ANKS1B: variants seen among roughly 807,000 people sequenced by gnomAD.
ANKS1B encodes the protein ankyrin repeat and sterile alpha motif domain-containing protein 1B.
In ANKS1B, 36 loss-of-function variants were observed where a neutral mutation model predicts 148.3. That is an observed-to-expected ratio of 0.24 (90% CI 0.19 to 0.32). ANKS1B has a LOEUF of 0.32. ANKS1B is among the 10% of genes least tolerant of loss of function. ANKS1B has a pLI of 1.00. For synonymous variants in ANKS1B, 542 were observed against 560.8 expected (o/e 0.97, Z 0.47); for missense variants, 1,157 against 1,542.6 (o/e 0.75, Z 4.19).
intron 16 of ANKS1B, among the ~76,000 whole-genome samples, chr12:99,058,601 T>C (rs2041135277): frequency 6.6e-6 from 1 of 152,148 alleles, no homozygotes; most frequent in Admixed American, 6.6e-5. Flanking sequence ...ATTGTATGAG[T>C]TTGATTTTTG....
chr12:99,178,133 G>A (rs1270457252), intron 14 of ANKS1B, among the ~76,000 whole-genome samples: 2 of 152,100 alleles, frequency 1.3e-5, no homozygotes, highest in Admixed American at 1.3e-4. Context: ...CATATCCAGG[G>A]TCATTCCAAC....
At chr12:99,633,335 A>G (rs2153404578) in intron 9 of ANKS1B, among the ~76,000 whole-genome samples, 1 of 152,290 alleles carries the variant, frequency 6.6e-6, no homozygotes, top group East Asian at 1.9e-4. Flanking sequence ...AATACCACAC[A>G]TCTACAACTA....
At chr12:99,774,817 T>C (rs538878821) in intron 7 of ANKS1B, among the ~76,000 whole-genome samples, 1 of 123,204 alleles carries the variant, frequency 8.1e-6, no homozygotes, top group African/African-American at 3.1e-5. Context: ...GGACTATTAT[T>C]CAGCCTTAAA....
Position 99,309,153 on chromosome 12 carries a change from A to G in ANKS1B, c.1757-62289T>C, listed in dbSNP as rs576986185. On this transcript the variant is annotated intron_variant, in intron 12 of 26. Transcript: ENST00000683438. ...TCAGTTTATGTTTTCCTTTTCAACC[A>G]TTATGCCTTGTATTTCTTTTTCTTA... Among the ~76,000 whole-genome samples the G allele has an allele frequency of 7.2e-5, 11 of 151,822 alleles. No individual in the cohort carries two copies. The East Asian group carries it at 2.1e-3, about 29-fold the overall frequency.
chr12:99,207,914 C>T (rs897200172), intron 14 of ANKS1B, among the ~76,000 whole-genome samples: 57 of 151,862 alleles, frequency 3.8e-4, no homozygotes, highest in African/African-American at 1.3e-3. Context: ...GTGAAAGGAA[C>T]TCTATAAGGG....
intron 17 of ANKS1B, among the ~76,000 whole-genome samples, chr12:99,015,194 A>G (rs928391287): frequency 6.6e-6 from 1 of 152,222 alleles, no homozygotes; most frequent in Non-Finnish European, 1.5e-5. Flanking sequence ...TTATGCAGCC[A>G]TATAAAAGAA....
rs757138769 is a variant in ANKS1B at position 99,984,132 on chromosome 12, C to G, written c.106G>C (p.Gly36Arg). Residue 36 changes from glycine to arginine, a missense_variant, in exon 1 of 27, where the codon GGA (glycine) becomes CGA (arginine). By Grantham distance (125) the Gly-to-Arg change is moderately radical. This residue lies in a region of ANKS1B where 164 missense variants were observed against 232.6 expected (regional missense o/e 0.71). Transcript: ENST00000683438. ...AGCAGATTAGACAGGGGCAGGGGTC[C>G]GGATCCACCGCCCAGGATCCCTCCT... The part of the protein sequence containing the change: ...RKGGILGGGS[G>R]PLPLSNLLSI... 12 of 1,613,672 alleles carry G rather than the reference C, an allele frequency of 7.4e-6. No homozygotes were observed. Among genetic ancestry groups the G allele is most frequent in the Non-Finnish European group, 1.0e-5 (12 of 1,179,728 alleles).
chr12:99,659,852 T>A (rs2098467747), intron 8 of ANKS1B, among the ~76,000 whole-genome samples: 1 of 152,180 alleles, frequency 6.6e-6, no homozygotes, highest in Admixed American at 6.5e-5. Context: ...CAGATTATAA[T>A]CCAAGCCCTC....
chr12:99,811,155 CA>C (rs1390532206), intron 3 of ANKS1B, among the ~76,000 whole-genome samples: 2 of 151,854 alleles, frequency 1.3e-5, no homozygotes, highest in African/African-American at 4.8e-5. Flanking sequence ...TATATATTTT[CA>C]TTGAAAAAAT....
intron 17 of ANKS1B, among the ~76,000 whole-genome samples, chr12:98,880,351 T>A (rs561237513): frequency 1.1e-4 from 17 of 151,738 alleles, no homozygotes; most frequent in African/African-American, 3.9e-4. Context: ...AAAATAAGAG[T>A]GCTGATAAAA....
At chr12:99,754,060 GCAAGCTAGATAAAGAAC>G (rs1391898395) in intron 8 of ANKS1B, among the ~76,000 whole-genome samples, 1 of 151,760 alleles carries the variant, frequency 6.6e-6, no homozygotes, top group Non-Finnish European at 1.5e-5. Context: ...ACACAAAGTG[GCAAGCTAGATAAAGAAC>G]CAAGATCCAT....
chr12:99,122,208 A>T (rs1174669574), intron 15 of ANKS1B, among the ~76,000 whole-genome samples: 1 of 152,210 alleles, frequency 6.6e-6, no homozygotes, highest in Non-Finnish European at 1.5e-5. Flanking sequence ...TTGAATTTAT[A>T]GATGAGACTT....
At chr12:99,857,647 C>T (rs1365452226) in intron 1 of ANKS1B, among the ~76,000 whole-genome samples, 4 of 152,056 alleles carry the variant, frequency 2.6e-5, no homozygotes, top group Non-Finnish European at 4.4e-5. Flanking sequence ...TACTAAAAGG[C>T]AATAGTCACC....
In ANKS1B at chr12:99,246,508, T is replaced by G. The variant is rs759664260; in HGVS notation, c.2113A>C (p.Asn705His). ...GSRNGDQWVMNAGGFVERACT... is the reference protein window; with the variant it reads ...GSRNGDQWVMHAGGFVERACT... ...GCTCTCTCCACAAATCCCCCTGCGT[T>G]CATAACCCACTGGTCCCCATTCCGA... The change falls in exon 13 of 27, where the codon AAC becomes CAC. Residue 705 changes from asparagine (N) to histidine (H), a missense_variant. Physicochemically the swap from Asn to His is moderately conservative, Grantham distance 68. Around this residue, in one of 6 missense-constraint regions of ANKS1B, gnomAD observed 661 missense variants for 642.1 expected, o/e 1.03. Transcript: ENST00000683438. 1 of 1,613,800 alleles carries G rather than the reference T, an allele frequency of 6.2e-7. No individual in the cohort carries two copies. The highest frequency in any genetic ancestry group is 1.3e-5 in the African/African-American group (1 of 74,932).
intron 14 of ANKS1B, among the ~76,000 whole-genome samples, chr12:99,239,950 C>A (rs2088912315): frequency 6.6e-6 from 1 of 152,120 alleles, no homozygotes; most frequent in South Asian, 2.1e-4. Flanking sequence ...CCGGTACCAG[C>A]CACTGCAAAA....
At chr12:98,899,766 T>G (rs1175429597) in intron 17 of ANKS1B, among the ~76,000 whole-genome samples, 1 of 152,320 alleles carries the variant, frequency 6.6e-6, no homozygotes, top group East Asian at 1.9e-4. Flanking sequence ...TGTAAAGCAT[T>G]AACTATAGTA....
intron 9 of ANKS1B, among the ~76,000 whole-genome samples, chr12:99,603,192 C>A (rs73141693): frequency 0.017 from 2,596 of 152,148 alleles, 48 homozygotes; most frequent in Middle Eastern, 0.041. Flanking sequence ...CAGGCATGTG[C>A]ATATTGGCTC....
At chr12:99,894,640 T>C (rs1024752097) in intron 1 of ANKS1B, among the ~76,000 whole-genome samples, 6 of 140,828 alleles carry the variant, frequency 4.3e-5, no homozygotes, top group African/African-American at 1.5e-4. Flanking sequence ...TACAACCATT[T>C]TGTTTCAGTA....
chr12:99,491,605 C>A (rs1438661383), intron 10 of ANKS1B, among the ~76,000 whole-genome samples: 1 of 151,988 alleles, frequency 6.6e-6, no homozygotes, highest in Non-Finnish European at 1.5e-5. Context: ...ATTTAGCACC[C>A]AATTTTAAGT....
Sources: gnomAD v4.1 joint callset for allele counts (sites outside exome capture counted in the v4.1 genomes callset) on GRCh38, gnomAD v4.1.1 for gene constraint, gnomAD v4.1.1 regional missense constraint, MANE v1.5 for transcripts, NCBI Gene and HGNC (gene_info 2026-07-23, HGNC 2026-07-21) for gene names.